The following STT3A variants were observed in gnomAD, a reference collection of about 807,000 sequenced individuals.
STT3A encodes dolichyl-diphosphooligosaccharide--protein glycosyltransferase subunit STT3A.
In STT3A, 34 loss-of-function variants were observed where a neutral mutation model predicts 89.2. That is an observed-to-expected ratio of 0.38 (90% CI 0.29 to 0.51). The LOEUF (loss-of-function observed/expected upper bound fraction) is 0.51. STT3A is among the 20% of genes least tolerant of loss of function. The pLI is 0.89. For missense variants in STT3A, 555 were observed against 889.5 expected, an observed-to-expected ratio of 0.62 and a Z score of 4.78; for synonymous variants, 282 against 310.3, an observed-to-expected ratio of 0.91 and a Z score of 0.96.
At chr11:125,607,895 A>G (rs1939883744) in intron 8 of STT3A, among the ~76,000 whole-genome samples, 3 of 152,192 alleles carry the variant, frequency 2.0e-5, no homozygotes, top group Admixed American at 2.0e-4. Context: ...GAGATGTGAT[A>G]ATGATAGTGT....
rs12363701 is a variant in STT3A, at chr11:125,605,460, G to A, written c.509-169G>A. On this transcript the variant is annotated intron_variant, in intron 6 of 17. Coordinates refer to ENST00000392708, the MANE Select transcript of STT3A (RefSeq NM_152713.5). The stretch of plus-strand genomic sequence containing the variant: ...GTTTTCAGAACACTTTTATGAAGTA[G>A]ATACTATTACTTCTTCTTACATGAA... Among the ~76,000 whole-genome samples, 1,354 of 152,298 alleles carry A rather than the reference G, an allele frequency of 8.9e-3. 10 individuals are homozygous for A. The highest frequency in any genetic ancestry group is 0.015 in the Admixed American group (229 of 15,298).
At chr11:125,599,724 T>G (rs1480357031) in intron 3 of STT3A, among the ~76,000 whole-genome samples, 1 of 147,562 alleles carries the variant, frequency 6.8e-6, no homozygotes, top group Non-Finnish European at 1.5e-5. Flanking sequence ...TTATTTTTAT[T>G]TATTATTATT....
chr11:125,594,224 C>T (rs1939413142), intron 1 of STT3A, among the ~76,000 whole-genome samples: 1 of 152,160 alleles, frequency 6.6e-6, no homozygotes, highest in Non-Finnish European at 1.5e-5. Context: ...AGCAAAACAT[C>T]TTGAATGGTG....
intron 15 of STT3A, 35 bp from the exon 16 acceptor site, chr11:125,618,338 G>A (rs1221056631): frequency 1.3e-6 from 2 of 1,548,792 alleles, no homozygotes; most frequent in Admixed American, 2.1e-5. Context: ...AGCAACTTTT[G>A]TGATGCAGCA....
upstream of STT3A, chr11:125,592,421 A>G (rs1252829476): frequency 8.8e-6 from 4 of 456,160 alleles, no homozygotes; most frequent in African/African-American, 2.0e-5. Flanking sequence ...TTTCTACCTT[A>G]AAAAAGACGG....
chr11:125,611,408 T>C lies in STT3A; in HGVS notation c.1118-20T>C. 6.2e-7 allele frequency: 1 copy of C among 1,607,362 alleles called. No homozygotes were observed. The highest frequency in any genetic ancestry group is 8.5e-7 in the Non-Finnish European group (1 of 1,174,126). ...AACCTACAGGACTCAGCTGCTTATT[T>C]CTCCTTCCCTCTTTTGTAGTTGGCC... On this transcript the variant is annotated intron_variant, in intron 10 of 17. Coordinates refer to ENST00000392708, the MANE Select transcript of STT3A (RefSeq NM_152713.5).
intron 7 of STT3A, 171 bp from the exon 8 acceptor site, chr11:125,606,130 C>T: frequency 1.7e-6 from 1 of 597,748 alleles, no homozygotes; most frequent in South Asian, 2.4e-5. Flanking sequence ...ACTTGATTTT[C>T]CTGTTTAAAA....
In STT3A at chr11:125,605,708, T is replaced by C; in HGVS notation, c.588T>C (p.Ala196=). Residue 196 remains alanine, a synonymous_variant, in exon 7 of 18, where the codon GCT becomes GCC. Transcript: ENST00000392708. ...AVKTGSICWA[A]KCALAYFYMV... is the part of the protein sequence containing the mutation. ...AGACTGGTTCCATCTGTTGGGCAGC[T>C]AAGTGTGCCCTTGCTTATTTCTACA... The C allele has an allele frequency of 2.5e-6, 4 of 1,614,006 alleles. No individual in the cohort carries two copies. Among genetic ancestry groups the C allele is most frequent in the Non-Finnish European group, 3.4e-6 (4 of 1,179,892 alleles).
chr11:125,618,143 G>A (rs921845980), intron 15 of STT3A, among the ~76,000 whole-genome samples: 7 of 152,180 alleles, frequency 4.6e-5, no homozygotes, highest in Non-Finnish European at 1.5e-5. Context: ...TGTGGCTTAA[G>A]TCTGGACTAG....
chr11:125,617,375 T>C (rs1940207745), intron 15 of STT3A, among the ~76,000 whole-genome samples: 1 of 152,184 alleles, frequency 6.6e-6, no homozygotes, highest in East Asian at 1.9e-4. Context: ...CCAGCTAGAA[T>C]TGGCAGTGCT....
At chr11:125,602,268 C>A in intron 3 of STT3A, 35 bp from the exon 4 acceptor site, 1 of 1,602,642 alleles carries the variant, frequency 6.2e-7, no homozygotes, top group South Asian at 1.1e-5. Context: ...CAAAATTCAC[C>A]ACAAATTTAC....
At chr11:125,591,903 T>G, upstream of STT3A, 1 of 155,748 alleles carries the variant, frequency 6.4e-6, no homozygotes, top group Non-Finnish European at 1.4e-5. Flanking sequence ...CACGTGCGAG[T>G]CTGAGATGAT....
At chr11:125,593,934 T>G (rs1939400733) in intron 1 of STT3A, among the ~76,000 whole-genome samples, 1 of 152,184 alleles carries the variant, frequency 6.6e-6, no homozygotes, top group African/African-American at 2.4e-5. Context: ...AGACAAACGT[T>G]TGTTAAGGGA....
rs762878130 is a variant in STT3A at position 125,608,188 on chromosome 11, G to T, written c.860G>T (p.Arg287Leu). ...ATCCATGCCTTTGTGGATTACCTGC[G>T]CAGCAAGTTGAATCCACAACAATTT... ...CQIHAFVDYL[R>L]SKLNPQQFEV... The change falls in exon 9 of 18, where the codon CGC becomes CTC. Residue 287 changes from arginine (R) to leucine (L), a missense_variant. This residue lies in a region of STT3A where 149 missense variants were observed against 206.2 expected (regional missense o/e 0.72). Transcript: ENST00000392708. The T allele has an allele frequency of 6.2e-7, 1 of 1,614,072 alleles. No homozygotes were observed.
In STT3A at chr11:125,620,870, ATTTTTTTT is replaced by A. The variant is rs569634802; in HGVS notation, c.*74_*81del. ...GCACATCACATTTAGGACGTTGAAGATTTTTTTTTTTTTTTTTTTTTAATATGCAGTTT... is the reference window on the plus strand; with the variant it reads ...GCACATCACATTTAGGACGTTGAAGATTTTTTTTTTTTTAATATGCAGTTT... On this transcript the variant is annotated 3_prime_UTR_variant, in exon 18 of 18. Transcript: ENST00000392708. 18 of 892,984 alleles carry A rather than the reference ATTTTTTTT, an allele frequency of 2.0e-5. No individual in the cohort carries two copies. Among genetic ancestry groups the A allele is most frequent in the East Asian group, 6.1e-5 (2 of 33,000 alleles). 55.3% of individuals were successfully genotyped at this position (892,984 alleles called of 1,614,324 possible). A position where few individuals can be genotyped will look rare whatever the true frequency, so the allele number is the denominator to read the frequency against.
At chr11:125,606,671 A>C in intron 8 of STT3A, among the ~76,000 whole-genome samples, 1 of 152,170 alleles carries the variant, frequency 6.6e-6, no homozygotes, top group East Asian at 1.9e-4. Flanking sequence ...TGGAGTTTGA[A>C]TTCCATGGCT....
chr11:125,614,116 T>C lies in STT3A; in HGVS notation c.1584T>C (p.Tyr528=). The C allele has an allele frequency of 6.2e-7, 1 of 1,614,216 alleles. No individual in the cohort carries two copies. Residue 528 remains tyrosine, a synonymous_variant, in exon 14 of 18, where the codon TAT becomes TAC. Transcript: ENST00000392708. This position sits in a 1 kb window ranked among gnomAD's most constrained non-coding sequence, Gnocchi z 4.9. ...EDAKVMSWWD[Y]GYQITAMANR... is the part of the protein sequence containing the mutation. ...CGAAGGTCATGTCCTGGTGGGATTA[T>C]GGCTATCAGATTACAGCTATGGCAA...
At chr11:125,593,752 TA>T (rs1190808339) in intron 1 of STT3A, 2 of 152,232 alleles carry the variant, frequency 1.3e-5, no homozygotes, top group Non-Finnish European at 2.9e-5. Context: ...GGACTATACT[TA>T]AACACATTTC....
chr11:125,620,016 C>T lies in STT3A; in HGVS notation c.1969C>T (p.Pro657Ser). 1 of 1,613,954 alleles carries T rather than the reference C, an allele frequency of 6.2e-7. No homozygotes were observed. Among genetic ancestry groups the T allele is most frequent in the Non-Finnish European group, 8.5e-7 (1 of 1,179,908 alleles). Reference sequence around the variant, plus strand: ...TCTTTTTCATCCCTCTCTAGAGCGTCCTCCAGGCTTTGACCGTGTCCGAAA... The same window carrying T: ...TCTTTTTCATCCCTCTCTAGAGCGTTCTCCAGGCTTTGACCGTGTCCGAAA... The part of the protein sequence containing the change: ...FGQVYTEAKR[P>S]PGFDRVRNAE... The change falls in exon 17 of 18, where the codon CCT (proline) becomes TCT (serine). Residue 657 changes from proline (P) to serine (S), a missense_variant. Pro to Ser is a moderately conservative substitution (Grantham distance 74). Around this residue, in one of 5 missense-constraint regions of STT3A, gnomAD observed 273 missense variants for 449.8 expected, o/e 0.61. Coordinates refer to ENST00000392708, the MANE Select transcript of STT3A (RefSeq NM_152713.5).
Sources: gnomAD v4.1 joint callset for allele counts (sites outside exome capture counted in the v4.1 genomes callset) on GRCh38, gnomAD v4.1.1 for gene constraint, gnomAD v4.1.1 regional missense constraint, Gnocchi (gnomAD v3.1) non-coding constraint, MANE v1.5 for transcripts, NCBI Gene and HGNC (gene_info 2026-07-23, HGNC 2026-07-21) for gene names.